PRKD3: variants seen among roughly 807,000 people sequenced by gnomAD.
PRKD3 encodes serine/threonine-protein kinase D3.
In PRKD3, 47 loss-of-function variants were observed where a neutral mutation model predicts 99.2. The observed-to-expected ratio is 0.47, with a 90% CI of 0.38 to 0.60. The LOEUF (loss-of-function observed/expected upper bound fraction) is 0.60, where lower values mean the gene tolerates loss of function less well. Among genes scored for constraint, PRKD3 ranks in the 20% least tolerant of loss-of-function variants. PRKD3 has a pLI of 0.00. For synonymous variants in PRKD3, 392 were observed against 355.4 expected (o/e 1.10, Z -1.16); for missense variants, 1,019 against 1,088.4 (o/e 0.94, Z 0.90).
Position 37,316,763 on chromosome 2 carries a change from A to G in PRKD3, c.-239T>C, listed in dbSNP as rs1671683443. On this transcript the variant is annotated 5_prime_UTR_variant, in exon 2 of 19. Transcript: ENST00000234179. ...ATCAAAAAGCAGTCTTGTCTGTAGG[A>G]AGACAACCAGGGATTTGTAAAGGAT... The G allele has an allele frequency of 7.4e-7, 1 of 1,350,778 alleles. No individual in the cohort carries two copies. Among genetic ancestry groups the G allele is most frequent in the Non-Finnish European group, 9.5e-7 (1 of 1,054,560 alleles). The allele number at this position is 1,350,778 out of a possible 1,614,324, so 83.7% of individuals were successfully genotyped here. A position where few individuals can be genotyped will look rare whatever the true frequency, so the allele number is the denominator to read the frequency against.
chr2:37,269,506 A>G, intron 13 of PRKD3, 109 bp downstream of exon 13: 2 of 916,870 alleles, frequency 2.2e-6, no homozygotes, highest in Admixed American at 2.0e-5. Context: ...AGCCTTTAAA[A>G]AAAAGGCACT....
In PRKD3 at chr2:37,270,356, A is replaced by AG. The variant is rs1553369242; in HGVS notation, c.1705-670_1705-669insC. Among the ~76,000 whole-genome samples, 4 of 151,438 alleles carry AG rather than the reference A, an allele frequency of 2.6e-5. No individual in the cohort carries two copies. In the East Asian group the frequency reaches 7.7e-4, roughly 29 times the overall value. ...TTTGCTCTCATTGATTTTTGGAAAA[A>AG]AAAAAAAAAAAACTCAAAAGTTCAT... On this transcript the variant is annotated intron_variant, in intron 12 of 18. Coordinates refer to ENST00000234179, the MANE Select transcript of PRKD3 (RefSeq NM_005813.6).
chr2:37,264,165 TTATG>T lies in PRKD3; in HGVS notation c.1884+3261_1884+3264del, dbSNP rs147863959. On this transcript the variant is annotated intron_variant, in intron 14 of 18. Coordinates refer to ENST00000234179, the MANE Select transcript of PRKD3 (RefSeq NM_005813.6). ...CCCTAGATGTGGCCAGGTTGACAGT[TTATG>T]TAGGCATGGCTCTTTTTCTGTGTAA... Among the ~76,000 whole-genome samples, 770 of 152,328 alleles carry T rather than the reference TTATG, an allele frequency of 5.1e-3. 5 individuals are homozygous for T. The highest frequency in any genetic ancestry group is 0.018 in the African/African-American group (746 of 41,578).
chr2:37,296,904 A>C (rs1365502463), intron 2 of PRKD3, among the ~76,000 whole-genome samples: 1 of 150,510 alleles, frequency 6.6e-6, no homozygotes. Context: ...TGTCTCAAAA[A>C]AAAAAAAAAA....
chr2:37,270,464 A>G (rs1307323940), intron 12 of PRKD3, among the ~76,000 whole-genome samples: 4 of 151,416 alleles, frequency 2.6e-5, no homozygotes, highest in Admixed American at 1.3e-4. Flanking sequence ...CCATTCCTCT[A>G]TCTTTCCTCA....
chr2:37,257,743 T>G (rs193246192), intron 16 of PRKD3, among the ~76,000 whole-genome samples: 1 of 151,754 alleles, frequency 6.6e-6, no homozygotes, highest in African/African-American at 2.4e-5. Context: ...CTAGAATCTC[T>G]TTTCCTAAGG....
chr2:37,256,623 C>G, intron 17 of PRKD3, 39 bp downstream of exon 17: 2 of 1,392,534 alleles, frequency 1.4e-6, no homozygotes, highest in Non-Finnish European at 1.9e-6. Flanking sequence ...AAACACATAG[C>G]CAAAATTTTT....
At chr2:37,306,951 G>C (rs1671196138) in intron 2 of PRKD3, among the ~76,000 whole-genome samples, 1 of 152,186 alleles carries the variant, frequency 6.6e-6, no homozygotes, top group Admixed American at 6.5e-5. Flanking sequence ...CTAAAAGAGA[G>C]ACATTGTAGA....
chr2:37,294,154 G>C (rs1670570941), intron 2 of PRKD3, among the ~76,000 whole-genome samples: 1 of 152,110 alleles, frequency 6.6e-6, no homozygotes, highest in East Asian at 1.9e-4. Context: ...GAGTACAGTG[G>C]TGTGATCACA....
At chr2:37,273,496 T>C (rs1239440667) in intron 11 of PRKD3, among the ~76,000 whole-genome samples, 2 of 152,280 alleles carry the variant, frequency 1.3e-5, no homozygotes, top group East Asian at 1.9e-4. Context: ...CTATGAAGTC[T>C]TGTTTACTCT....
intron 10 of PRKD3, among the ~76,000 whole-genome samples, chr2:37,275,542 A>C (rs1405701505): frequency 6.6e-6 from 1 of 152,202 alleles, no homozygotes; most frequent in Non-Finnish European, 1.5e-5. Context: ...GCAAGCCAGA[A>C]ATAAATAAAT....
intron 2 of PRKD3, among the ~76,000 whole-genome samples, chr2:37,296,293 T>C (rs1223583513): frequency 1.3e-5 from 2 of 152,112 alleles, no homozygotes; most frequent in South Asian, 2.1e-4. Context: ...ACCTTCTTAA[T>C]AAACACATGG....
Position 37,260,318 on chromosome 2 carries a change from C to T in PRKD3, c.1951G>A (p.Val651Ile). Residue 651 changes from valine (V) to isoleucine (I), a missense_variant, in exon 15 of 19, where the codon GTA becomes ATA. Val to Ile is a conservative substitution (Grantham distance 29). Around this residue, in one of 3 missense-constraint regions of PRKD3, gnomAD observed 184 missense variants for 275.1 expected, o/e 0.67. Transcript: ENST00000234179. The stretch of plus-strand genomic sequence containing the variant: ...ATATCTCCATGCAGCTTTTCCATTA[C>T]TACAAAGACTCGTTCTGGGGTTTCA... ...MFETPERVFV[V>I]MEKLHGDMLE... The T allele has an allele frequency of 1.9e-6, 3 of 1,609,208 alleles. No homozygotes were observed. Among genetic ancestry groups the T allele is most frequent in the East Asian group, 2.2e-5 (1 of 44,838 alleles).
At chr2:37,292,362 T>C (rs1188876334) in intron 3 of PRKD3, among the ~76,000 whole-genome samples, 1 of 151,934 alleles carries the variant, frequency 6.6e-6, no homozygotes, top group Non-Finnish European at 1.5e-5. Flanking sequence ...TTTTTTTTTT[T>C]TGAGACAGAG....
intron 17 of PRKD3, 50 bp downstream of exon 17, chr2:37,256,595 GAAAGATGTTTAGGCTTA>G: frequency 7.0e-7 from 1 of 1,422,320 alleles, no homozygotes; most frequent in Non-Finnish European, 9.2e-7. Flanking sequence ...TTTGGGATGA[GAAAGATGTTTAGGCTTA>G]AAACACATAG....
At chr2:37,263,676 CTTTT>C (rs1668631222) in intron 14 of PRKD3, among the ~76,000 whole-genome samples, 2 of 152,170 alleles carry the variant, frequency 1.3e-5, no homozygotes, top group South Asian at 2.1e-4. Context: ...CCTCAAATGG[CTTTT>C]TGTTTGGAGA....
intron 12 of PRKD3, among the ~76,000 whole-genome samples, chr2:37,270,409 G>T (rs564300043): frequency 6.8e-6 from 1 of 148,112 alleles, no homozygotes; most frequent in African/African-American, 2.5e-5. Flanking sequence ...AACTTTGAGA[G>T]ACTGAAGAAA....
chr2:37,305,782 C>T (rs1420303153), intron 2 of PRKD3, among the ~76,000 whole-genome samples: 1 of 152,148 alleles, frequency 6.6e-6, no homozygotes, highest in Admixed American at 6.5e-5. Context: ...CACTACAAGA[C>T]CAGTGATCTT....
rs924881693 is a variant in PRKD3, at chr2:37,251,539, A to G, written c.*1638T>C. 7.9e-5 allele frequency: 12 copies of G among 152,604 alleles called. No individual in the cohort carries two copies. Among genetic ancestry groups the G allele is most frequent in the Admixed American group, 3.9e-4 (6 of 15,260 alleles). The allele number at this position is 152,604 out of a possible 1,614,324, so 9.5% of individuals were successfully genotyped here. A position where few individuals can be genotyped will look rare whatever the true frequency, so the allele number is the denominator to read the frequency against. ...ACTGTTTGCTACTATTCTTTCAAGG[A>G]TATTTTTAGTCTAGACAGGAGACTA... On this transcript the variant is annotated 3_prime_UTR_variant, in exon 19 of 19. Transcript: ENST00000234179.
Sources: allele counts gnomAD v4.1 joint callset (sites outside exome capture counted in the v4.1 genomes callset), GRCh38; gene constraint gnomAD v4.1.1; regional missense constraint gnomAD v4.1.1; transcripts MANE v1.5; gene names NCBI Gene and HGNC (gene_info 2026-07-23, HGNC 2026-07-21).